PDE6C: variants seen among roughly 807,000 people sequenced by gnomAD.
PDE6C encodes the protein cone cGMP-specific 3',5'-cyclic phosphodiesterase subunit alpha'.
Under a neutral mutation model 113.1 loss-of-function variants are expected in PDE6C, and 75 were observed. That is an observed-to-expected ratio of 0.66 (90% CI 0.55 to 0.80). The LOEUF is 0.80. Ranked by LOEUF, PDE6C falls within the 30% of genes least tolerant of loss-of-function variation. PDE6C has a pLI of 0.00. For synonymous variants in PDE6C, 375 were observed against 363.7 expected, an observed-to-expected ratio of 1.03 and a Z score of -0.35; for missense variants, 912 against 1,038.6, an observed-to-expected ratio of 0.88 and a Z score of 1.67.
intron 16 of PDE6C, 128 bp downstream of exon 16, chr10:93,655,988 A>C (rs2058636342): frequency 2.8e-6 from 2 of 725,066 alleles, no homozygotes; most frequent in South Asian, 2.9e-5. Context: ...ACACACACAC[A>C]CACATACACA....
chr10:93,644,181 T>C (rs937135097), intron 14 of PDE6C, among the ~76,000 whole-genome samples: 3 of 152,228 alleles, frequency 2.0e-5, no homozygotes, highest in South Asian at 2.1e-4. Context: ...CAATGCATTG[T>C]GTCAAGAAGC....
At chr10:93,659,264 C>T in intron 18 of PDE6C, 97 bp downstream of exon 18, 1 of 852,016 alleles carries the variant, frequency 1.2e-6, no homozygotes, top group Non-Finnish European at 1.9e-6. Flanking sequence ...CCTCAGAATT[C>T]TGAAAAATTA....
intron 14 of PDE6C, among the ~76,000 whole-genome samples, chr10:93,644,051 A>G (rs1396202946): frequency 6.6e-6 from 1 of 152,164 alleles, no homozygotes; most frequent in Non-Finnish European, 1.5e-5. Context: ...TGAAGAGTCT[A>G]GGCCAACTAT....
chr10:93,655,901 G>T, intron 16 of PDE6C, 41 bp downstream of exon 16: 1 of 1,016,000 alleles, frequency 9.8e-7, no homozygotes, highest in Non-Finnish European at 1.6e-6. Context: ...CCTATACTCT[G>T]TGTGGTTTTA....
At chr10:93,621,057 C>G in intron 3 of PDE6C, 77 bp downstream of exon 3, 5 of 1,145,118 alleles carry the variant, frequency 4.4e-6, no homozygotes, top group Non-Finnish European at 5.3e-6. Flanking sequence ...AATTCAGACC[C>G]CTCCTATTCC....
chr10:93,627,343 T>C (rs536524147), intron 7 of PDE6C, among the ~76,000 whole-genome samples: 15 of 151,072 alleles, frequency 9.9e-5, no homozygotes, highest in Non-Finnish European at 1.6e-4. Context: ...CAGTCAAATG[T>C]AGGTTAACTG....
intron 21 of PDE6C, among the ~76,000 whole-genome samples, chr10:93,664,146 G>A (rs771319173): frequency 7.9e-5 from 12 of 152,268 alleles, no homozygotes; most frequent in Non-Finnish European, 1.2e-4. Context: ...CAGGCCCTGG[G>A]GAAAGATGGG....
intron 3 of PDE6C, among the ~76,000 whole-genome samples, chr10:93,621,704 T>C (rs570131449): frequency 2.7e-4 from 41 of 152,306 alleles, no homozygotes; most frequent in African/African-American, 9.1e-4. Context: ...GAACCAATCA[T>C]AGCTTCTCTC....
At chr10:93,624,458 G>A (rs1217764482) in intron 4 of PDE6C, among the ~76,000 whole-genome samples, 3 of 152,124 alleles carry the variant, frequency 2.0e-5, no homozygotes, top group East Asian at 1.9e-4. Flanking sequence ...GACTGGTCTC[G>A]AACTCCTGTC....
At chr10:93,654,794 CTTTCTTTCTTTCTTTCTTT>C (rs1325806043) in intron 15 of PDE6C, among the ~76,000 whole-genome samples, 1 of 73,014 alleles carries the variant, frequency 1.4e-5, no homozygotes, top group African/African-American at 4.9e-5. Flanking sequence ...TTCTTTCTTT[CTTTCTTTCTTTCTTTCTTT>C]TTTTTTTTTT....
intron 1 of PDE6C, among the ~76,000 whole-genome samples, chr10:93,620,155 G>A (rs906155456): frequency 6.6e-6 from 1 of 152,124 alleles, no homozygotes; most frequent in Non-Finnish European, 1.5e-5. Flanking sequence ...GAAGGAACTG[G>A]GGGCAATGAT....
intron 15 of PDE6C, among the ~76,000 whole-genome samples, chr10:93,648,153 G>A (rs2058593182): frequency 6.6e-6 from 1 of 152,132 alleles, no homozygotes; most frequent in African/African-American, 2.4e-5. Context: ...GCAGTTTAGA[G>A]TTACAGTTTT....
At chr10:93,636,402 G>GTGTA (rs536281693) in intron 10 of PDE6C, among the ~76,000 whole-genome samples, 1 of 151,028 alleles carries the variant, frequency 6.6e-6, no homozygotes, top group African/African-American at 2.5e-5. Flanking sequence ...GTGTGTGTGT[G>GTGTA]TGTGTAGTTT....
chr10:93,631,665 C>G (rs937254396), intron 8 of PDE6C, among the ~76,000 whole-genome samples: 1 of 152,236 alleles, frequency 6.6e-6, no homozygotes, highest in Non-Finnish European at 1.5e-5. Flanking sequence ...TGACCGCCCT[C>G]CCCAAACCAC....
chr10:93,663,198 T>C lies in PDE6C; in HGVS notation c.2518+20T>C, dbSNP rs775955518. ...AAAAAGGTTAGATGGGCTCTGTTTTTGCTCCCTGTAATGTAGCCAGAAGCT... is the reference window on the plus strand; with the variant it reads ...AAAAAGGTTAGATGGGCTCTGTTTTCGCTCCCTGTAATGTAGCCAGAAGCT... On this transcript the variant is annotated intron_variant, in intron 21 of 21. Coordinates refer to ENST00000371447, the MANE Select transcript of PDE6C (RefSeq NM_006204.4). 6.2e-7 allele frequency: 1 copy of C among 1,611,118 alleles called. No individual in the cohort carries two copies. Among genetic ancestry groups the C allele is most frequent in the South Asian group, 1.1e-5 (1 of 90,584 alleles).
chr10:93,641,561 T>C (rs937882464), intron 14 of PDE6C, among the ~76,000 whole-genome samples: 1 of 152,092 alleles, frequency 6.6e-6, no homozygotes, highest in African/African-American at 2.4e-5. Context: ...GGAGAAACAC[T>C]TGAACCCAGG....
intron 15 of PDE6C, among the ~76,000 whole-genome samples, chr10:93,647,452 C>A (rs2058590140): frequency 6.6e-6 from 1 of 152,108 alleles, no homozygotes; most frequent in Non-Finnish European, 1.5e-5. Context: ...AGCAACTGGG[C>A]AGAAAAATGG....
intron 16 of PDE6C, among the ~76,000 whole-genome samples, chr10:93,656,291 G>A (rs2058637752): frequency 6.6e-6 from 1 of 152,074 alleles, no homozygotes; most frequent in African/African-American, 2.4e-5. Flanking sequence ...TCAAAGTCTG[G>A]GAGCTGAACA....
intron 8 of PDE6C, among the ~76,000 whole-genome samples, chr10:93,634,472 TACAC>T (rs931124346): frequency 1.3e-5 from 2 of 152,164 alleles, no homozygotes; most frequent in East Asian, 3.8e-4. Context: ...AAACTATATG[TACAC>T]ACACACATAT....
Sources: gnomAD v4.1 joint callset for allele counts (sites outside exome capture counted in the v4.1 genomes callset) on GRCh38, gnomAD v4.1.1 for gene constraint, MANE v1.5 for transcripts, NCBI Gene and HGNC (gene_info 2026-07-23, HGNC 2026-07-21) for gene names.